The following EEF1AKMT2 variants were observed in gnomAD, a reference collection of about 807,000 sequenced individuals.
EEF1AKMT2 encodes eukaryotic translation elongation factor 1 alpha lysine methyltransferase 2.
EEF1AKMT2 carries 32 observed loss-of-function variants against 35.8 expected under a neutral mutation model. That is an observed-to-expected ratio of 0.89 (90% confidence interval 0.67 to 1.20). The LOEUF (loss-of-function observed/expected upper bound fraction) is 1.20. EEF1AKMT2 is among the 50% of genes most tolerant of loss of function. The pLI is 0.00. For synonymous variants in EEF1AKMT2, 121 were observed against 133.7 expected, an observed-to-expected ratio of 0.91 and a Z score of 0.65; for missense variants, 330 against 347.5, an observed-to-expected ratio of 0.95 and a Z score of 0.40.
chr10:124,788,817 G>A (rs1950611156), intron 3 of EEF1AKMT2, among the ~76,000 whole-genome samples: 1 of 149,046 alleles, frequency 6.7e-6, no homozygotes, highest in African/African-American at 2.5e-5. Flanking sequence ...GAAAAATTAA[G>A]TGGCTTACTC....
At chr10:124,781,224 G>A (rs1167718958) in intron 3 of EEF1AKMT2, among the ~76,000 whole-genome samples, 1 of 151,858 alleles carries the variant, frequency 6.6e-6, no homozygotes, top group African/African-American at 2.4e-5. Context: ...GATTACAGGC[G>A]TGAGCCACCG....
chr10:124,773,508 C>G (rs949063977), intron 4 of EEF1AKMT2, among the ~76,000 whole-genome samples: 1 of 152,176 alleles, frequency 6.6e-6, no homozygotes, highest in Non-Finnish European at 1.5e-5. Context: ...GTTGGGATTA[C>G]AGGCATTAGC....
intron 3 of EEF1AKMT2, among the ~76,000 whole-genome samples, chr10:124,781,836 C>A (rs1035282196): frequency 1.3e-5 from 2 of 150,780 alleles, no homozygotes; most frequent in African/African-American, 4.9e-5. Context: ...TCTCCTAGTG[C>A]ATTCCTTAAA....
At chr10:124,764,742 G>A (rs1950362558) in intron 5 of EEF1AKMT2, among the ~76,000 whole-genome samples, 1 of 152,302 alleles carries the variant, frequency 6.6e-6, no homozygotes, top group Middle Eastern at 3.4e-3. Context: ...CTCTCAGCAT[G>A]TAAGACGGAA....
At chr10:124,778,368 T>C (rs1236422998) in intron 3 of EEF1AKMT2, among the ~76,000 whole-genome samples, 1 of 152,068 alleles carries the variant, frequency 6.6e-6, no homozygotes, top group Admixed American at 6.6e-5. Flanking sequence ...ACAGTATAAA[T>C]TCAAGGCAGA....
intron 3 of EEF1AKMT2, among the ~76,000 whole-genome samples, chr10:124,784,314 A>T (rs1950566524): frequency 6.6e-6 from 1 of 152,226 alleles, no homozygotes; most frequent in African/African-American, 2.4e-5. Context: ...AAAACATGGA[A>T]ATTAAACAAA....
At chr10:124,781,165 C>A (rs370985784) in intron 3 of EEF1AKMT2, among the ~76,000 whole-genome samples, 1 of 151,798 alleles carries the variant, frequency 6.6e-6, no homozygotes, top group African/African-American at 2.4e-5. Context: ...AGGATGGTCT[C>A]GATCTCCCGA....
At chr10:124,785,504 A>T (rs1950576808) in intron 3 of EEF1AKMT2, among the ~76,000 whole-genome samples, 1 of 152,206 alleles carries the variant, frequency 6.6e-6, no homozygotes, top group African/African-American at 2.4e-5. Context: ...CCTGGTGAAG[A>T]ACTTATATCC....
chr10:124,772,113 G>C (rs185845747), intron 4 of EEF1AKMT2, among the ~76,000 whole-genome samples: 200 of 152,204 alleles, frequency 1.3e-3, no homozygotes, highest in African/African-American at 4.6e-3. Context: ...TCAGATTTTC[G>C]GAATGGGAAA....
chr10:124,760,524 A>G (rs1319208692), intron 6 of EEF1AKMT2, 21 bp from the exon 7 acceptor site: 1 of 1,592,370 alleles, frequency 6.3e-7, no homozygotes, highest in Admixed American at 1.7e-5. Context: ...AAATTTAAAT[A>G]CTTTTATTAA....
intron 3 of EEF1AKMT2, among the ~76,000 whole-genome samples, chr10:124,778,110 G>T (rs1403042983): frequency 1.3e-5 from 2 of 151,984 alleles, no homozygotes; most frequent in East Asian, 3.9e-4. Context: ...AGAATCGCTT[G>T]AACCCAGGAG....
chr10:124,777,173 G>A (rs973230056), intron 3 of EEF1AKMT2, among the ~76,000 whole-genome samples: 5 of 151,568 alleles, frequency 3.3e-5, no homozygotes, highest in African/African-American at 1.2e-4. Context: ...CAGCTACTCA[G>A]GAAGATGAGG....
chr10:124,777,590 G>C (rs879515789), intron 3 of EEF1AKMT2, among the ~76,000 whole-genome samples: 2 of 151,946 alleles, frequency 1.3e-5, no homozygotes, highest in African/African-American at 2.4e-5. Flanking sequence ...CACAATCATG[G>C]CTTACTGCAG....
rs1393706945 is a variant in EEF1AKMT2 at position 124,791,730 on chromosome 10, C to A, written c.104G>T (p.Arg35Leu). 1 of 1,584,602 alleles carries A rather than the reference C, an allele frequency of 6.3e-7. No individual in the cohort carries two copies. Among genetic ancestry groups the A allele is most frequent in the Non-Finnish European group, 8.5e-7 (1 of 1,169,946 alleles). The change falls in exon 1 of 7, where the codon CGC (arginine) becomes CTC (leucine). Residue 35 changes from arginine to leucine, a missense_variant. Transcript: ENST00000368836. ...DGFVPSALGTREHWDAVYERE... is the reference protein window; with the variant it reads ...DGFVPSALGTLEHWDAVYERE... The stretch of plus-strand genomic sequence containing the variant: ...TGCCCAGCGTCACACTCACTGCTCG[C>A]GGGTCCCCAGCGCCGACGGGACGAA...
intron 1 of EEF1AKMT2, 46 bp downstream of exon 1, chr10:124,791,678 G>A: frequency 1.3e-6 from 2 of 1,544,466 alleles, no homozygotes; most frequent in Non-Finnish European, 1.7e-6. Context: ...TCGGGGCCCA[G>A]GCAGGGCGGC....
chr10:124,784,974 C>CGCGGTGGCTCACCCCTGCACCCCCACCCA (rs1950572164), intron 3 of EEF1AKMT2, among the ~76,000 whole-genome samples: 1 of 149,068 alleles, frequency 6.7e-6, no homozygotes, highest in Non-Finnish European at 1.5e-5. Flanking sequence ...GTAGGCTGGG[C>CGCGGTGGCTCACCCCTGCACCCCCACCCA]GCGGTGGCTC....
intron 1 of EEF1AKMT2, 133 bp from the exon 2 acceptor site, chr10:124,790,471 C>A: frequency 1.5e-6 from 1 of 667,060 alleles, no homozygotes; most frequent in South Asian, 1.8e-5. Flanking sequence ...AATAAATACA[C>A]ATAGTTCAAT....
intron 4 of EEF1AKMT2, among the ~76,000 whole-genome samples, chr10:124,768,896 T>C (rs974009923): frequency 1.4e-4 from 22 of 151,780 alleles, no homozygotes; most frequent in East Asian, 1.4e-3. Context: ...CAGGGAGCAA[T>C]TGAGATAACA....
intron 3 of EEF1AKMT2, among the ~76,000 whole-genome samples, chr10:124,779,197 C>G (rs182021742): frequency 1.4e-4 from 21 of 152,236 alleles, no homozygotes; most frequent in Admixed American, 1.1e-3. Context: ...ACAGCGTGAT[C>G]ACAGCTCACT....
Sources: allele counts gnomAD v4.1 joint callset (sites outside exome capture counted in the v4.1 genomes callset), GRCh38; gene constraint gnomAD v4.1.1; transcripts MANE v1.5; gene names NCBI Gene and HGNC (gene_info 2026-07-23, HGNC 2026-07-21).